Variants in TMEM117 observed in about 807,000 individuals in gnomAD.
The protein encoded by TMEM117 is transmembrane protein 117.
In TMEM117, 27 loss-of-function variants were observed where a neutral mutation model predicts 52.4. The observed-to-expected ratio is 0.51, with a 90% CI of 0.38 to 0.71. The LOEUF (loss-of-function observed/expected upper bound fraction) is 0.71, where lower values mean the gene tolerates loss of function less well. TMEM117 is among the 30% of genes least tolerant of loss of function. The pLI, the probability that TMEM117 is intolerant of heterozygous loss-of-function variation, is 0.00. For missense variants in TMEM117, 556 were observed against 630.5 expected (o/e 0.88, Z 1.26); for synonymous variants, 215 against 206.3 (o/e 1.04, Z -0.36).
intron 3 of TMEM117, among the ~76,000 whole-genome samples, chr12:44,085,236 T>G (rs1362336567): frequency 6.6e-6 from 1 of 152,134 alleles, no homozygotes. Context: ...AAAGCTAATT[T>G]GACAGGTACT....
At chr12:43,870,945 T>G (rs1943693588) in intron 2 of TMEM117, among the ~76,000 whole-genome samples, 1 of 147,572 alleles carries the variant, frequency 6.8e-6, no homozygotes, top group African/African-American at 2.5e-5. Flanking sequence ...CCATCACGCC[T>G]GGCTAGTTTT....
At chr12:43,859,529 A>C (rs1943453740) in intron 2 of TMEM117, among the ~76,000 whole-genome samples, 1 of 152,144 alleles carries the variant, frequency 6.6e-6, no homozygotes, top group Non-Finnish European at 1.5e-5. Context: ...GAATATATGA[A>C]GTCAAAGAAG....
intron 3 of TMEM117, among the ~76,000 whole-genome samples, chr12:44,107,533 G>A (rs967342716): frequency 2.0e-5 from 3 of 152,122 alleles, no homozygotes; most frequent in South Asian, 2.1e-4. Flanking sequence ...ATTTTAATGT[G>A]AGTTGACATG....
chr12:44,161,279 T>C (rs1948894825), intron 4 of TMEM117, among the ~76,000 whole-genome samples: 1 of 152,198 alleles, frequency 6.6e-6, no homozygotes, highest in South Asian at 2.1e-4. Context: ...TAACCTATCA[T>C]ATTAATAATG....
chr12:44,047,051 G>T (rs927747364), intron 3 of TMEM117, among the ~76,000 whole-genome samples: 1 of 152,032 alleles, frequency 6.6e-6, no homozygotes, highest in Non-Finnish European at 1.5e-5. Context: ...TGGATTGAGG[G>T]ATACAAAGTA....
At chr12:44,155,394 T>C (rs971489110) in intron 4 of TMEM117, among the ~76,000 whole-genome samples, 6 of 152,144 alleles carry the variant, frequency 3.9e-5, no homozygotes, top group African/African-American at 1.4e-4. Context: ...CTCAATGGTC[T>C]TGTTCCAGCC....
At chr12:43,932,186 ATTGT>A (rs1944881514) in intron 2 of TMEM117, among the ~76,000 whole-genome samples, 1 of 152,050 alleles carries the variant, frequency 6.6e-6, no homozygotes, top group Non-Finnish European at 1.5e-5. Flanking sequence ...TTAAAATTAT[ATTGT>A]TTATTTCTAG....
chr12:44,154,797 AT>A (rs199693176), intron 4 of TMEM117, among the ~76,000 whole-genome samples: 6 of 150,600 alleles, frequency 4.0e-5, no homozygotes, highest in Non-Finnish European at 7.4e-5. Context: ...TGATTATATG[AT>A]TTTTTTTAAA....
chr12:44,143,434 G>C, intron 3 of TMEM117, 91 bp from the exon 4 acceptor site: 1 of 870,610 alleles, frequency 1.1e-6, no homozygotes, highest in Non-Finnish European at 1.8e-6. Flanking sequence ...GCTGAGAATG[G>C]GAGAAGTCCC....
intron 4 of TMEM117, among the ~76,000 whole-genome samples, chr12:44,155,648 G>T (rs1948815810): frequency 1.3e-5 from 2 of 152,040 alleles, no homozygotes; most frequent in Non-Finnish European, 2.9e-5. Context: ...TGAAACATCT[G>T]GTATGAGATA....
At chr12:44,003,710 A>T (rs192528862) in intron 3 of TMEM117, among the ~76,000 whole-genome samples, 1 of 152,296 alleles carries the variant, frequency 6.6e-6, no homozygotes, top group Non-Finnish European at 1.5e-5. Flanking sequence ...AATGGAGTTT[A>T]TGTCTCTTAG....
intron 6 of TMEM117, among the ~76,000 whole-genome samples, chr12:44,367,822 T>C (rs1231260384): frequency 6.6e-6 from 1 of 152,116 alleles, no homozygotes; most frequent in African/African-American, 2.4e-5. Flanking sequence ...GCAAATGCTA[T>C]TACCATTTAC....
At chr12:44,171,156 C>T (rs1949040659) in intron 4 of TMEM117, among the ~76,000 whole-genome samples, 1 of 151,004 alleles carries the variant, frequency 6.6e-6, no homozygotes, top group Admixed American at 6.6e-5. Context: ...GCTGGGACTA[C>T]AGGCGCCCGC....
chr12:43,874,749 C>T (rs768743412), intron 2 of TMEM117, among the ~76,000 whole-genome samples: 5 of 152,132 alleles, frequency 3.3e-5, no homozygotes, highest in Non-Finnish European at 7.3e-5. Context: ...AGTTTAAGTC[C>T]TTTGTCAGTA....
intron 3 of TMEM117, among the ~76,000 whole-genome samples, chr12:43,956,895 A>C (rs1418780020): frequency 1.3e-5 from 2 of 152,226 alleles, no homozygotes; most frequent in African/African-American, 4.8e-5. Flanking sequence ...AAAGACATGG[A>C]ATCAACCCAA....
chr12:43,800,831 A>T, the TMEM117 span, among the ~76,000 whole-genome samples: 1 of 152,120 alleles, frequency 6.6e-6, no homozygotes, highest in Non-Finnish European at 1.5e-5. Context: ...GCTCACTGCA[A>T]CCTCTGCCTC....
At chr12:43,978,011 G>T (rs1945700410) in intron 3 of TMEM117, among the ~76,000 whole-genome samples, 1 of 152,166 alleles carries the variant, frequency 6.6e-6, no homozygotes, top group African/African-American at 2.4e-5. Context: ...AGTCCTCTAG[G>T]GTTAACACTT....
chr12:43,964,393 G>A (rs1313191901), intron 3 of TMEM117, among the ~76,000 whole-genome samples: 2 of 151,758 alleles, frequency 1.3e-5, no homozygotes, highest in Non-Finnish European at 1.5e-5. Flanking sequence ...AACTAGAAAG[G>A]GATTATATAC....
chr12:44,128,011 T>C (rs1195591392), intron 3 of TMEM117, among the ~76,000 whole-genome samples: 1 of 152,258 alleles, frequency 6.6e-6, no homozygotes, highest in Non-Finnish European at 1.5e-5. Context: ...CTTTTAAAGA[T>C]ATGAAATAAA....
Sources: allele counts gnomAD v4.1 joint callset (sites outside exome capture counted in the v4.1 genomes callset), GRCh38; gene constraint gnomAD v4.1.1; transcripts MANE v1.5; gene names NCBI Gene and HGNC (gene_info 2026-07-23, HGNC 2026-07-21).